NRCAM: variants seen among roughly 807,000 people sequenced by gnomAD.
The protein encoded by NRCAM is neuronal cell adhesion molecule.
Under a neutral mutation model 156.5 loss-of-function variants are expected in NRCAM, and 83 were observed. The ratio of observed to expected loss-of-function variants is 0.53; its 90% CI spans 0.44 to 0.64. NRCAM has a LOEUF of 0.64. NRCAM is among the 30% of genes least tolerant of loss of function. NRCAM has a pLI of 0.00. For missense variants in NRCAM, 1,417 were observed against 1,597.3 expected (o/e 0.89, Z 1.92); for synonymous variants, 538 against 563.9 (o/e 0.95, Z 0.65).
intron 1 of NRCAM, among the ~76,000 whole-genome samples, chr7:108,416,208 A>C (rs530674603): frequency 6.6e-6 from 1 of 152,336 alleles, no homozygotes; most frequent in African/African-American, 2.4e-5. Context: ...TGAATGCTGC[A>C]TTTGCTTTAA....
At chr7:108,277,298 G>A (rs1057104722) in intron 3 of NRCAM, among the ~76,000 whole-genome samples, 2 of 152,150 alleles carry the variant, frequency 1.3e-5, no homozygotes, top group Non-Finnish European at 2.9e-5. Flanking sequence ...CTAGGTTGGG[G>A]AAGTTCTCCT....
chr7:108,440,235 G>A (rs1306848784), intron 1 of NRCAM, among the ~76,000 whole-genome samples: 2 of 152,094 alleles, frequency 1.3e-5, no homozygotes, highest in Non-Finnish European at 2.9e-5. Context: ...AAAGAAGCCA[G>A]ACACAAAAGA....
At chr7:108,334,867 TAGATA>T (rs1203180773) in intron 2 of NRCAM, among the ~76,000 whole-genome samples, 1 of 152,200 alleles carries the variant, frequency 6.6e-6, no homozygotes, top group Non-Finnish European at 1.5e-5. Flanking sequence ...TCTAATATTT[TAGATA>T]AGATGAGAAA....
intron 2 of NRCAM, among the ~76,000 whole-genome samples, chr7:108,378,690 A>AC (rs2099687482): frequency 5.3e-5 from 5 of 94,834 alleles, no homozygotes; most frequent in Non-Finnish European, 1.2e-4. Flanking sequence ...CACACACACA[A>AC]ACTCCAAGAC....
At chr7:108,166,073 A>G (rs1049793758) in intron 30 of NRCAM, among the ~76,000 whole-genome samples, 2 of 106,252 alleles carry the variant, frequency 1.9e-5, no homozygotes, top group African/African-American at 7.3e-5. Context: ...TATTCACATA[A>G]GTAAATATAT....
intron 32 of NRCAM, among the ~76,000 whole-genome samples, chr7:108,154,429 T>A (rs939659145): frequency 1.3e-5 from 2 of 152,218 alleles, no homozygotes; most frequent in Admixed American, 6.5e-5. Context: ...TAATATTTGC[T>A]TGTTGATTCA....
chr7:108,414,847 C>T (rs930533236), intron 1 of NRCAM, among the ~76,000 whole-genome samples: 1 of 152,066 alleles, frequency 6.6e-6, no homozygotes, highest in African/African-American at 2.4e-5. Context: ...TTGGTGAAGC[C>T]AGCACAACCA....
chr7:108,355,260 T>A (rs1480519477), intron 2 of NRCAM, among the ~76,000 whole-genome samples: 4 of 152,168 alleles, frequency 2.6e-5, no homozygotes, highest in Non-Finnish European at 5.9e-5. Flanking sequence ...AGAAAAGGTC[T>A]GAAAGAACAG....
intron 2 of NRCAM, among the ~76,000 whole-genome samples, chr7:108,395,829 T>C (rs1437929313): frequency 6.6e-6 from 1 of 152,218 alleles, no homozygotes; most frequent in Non-Finnish European, 1.5e-5. Context: ...TTCTGTCCTT[T>C]ACCCATGGTA....
At chr7:108,267,721 G>C (rs1025632376) in intron 3 of NRCAM, among the ~76,000 whole-genome samples, 1 of 152,126 alleles carries the variant, frequency 6.6e-6, no homozygotes, top group Non-Finnish European at 1.5e-5. Context: ...ATATAAAAAA[G>C]ACTCATCAAA....
At chr7:108,381,561 CTTT>C (rs71522870) in intron 2 of NRCAM, among the ~76,000 whole-genome samples, 4 of 125,888 alleles carry the variant, frequency 3.2e-5, no homozygotes, top group African/African-American at 5.9e-5. Context: ...TTTTTTTTTT[CTTT>C]TTTTTTTTTT....
chr7:108,329,378 C>A (rs1359604384), intron 2 of NRCAM, among the ~76,000 whole-genome samples: 1 of 152,116 alleles, frequency 6.6e-6, no homozygotes, highest in Non-Finnish European at 1.5e-5. Flanking sequence ...TCCAGTAGGA[C>A]CTCATTGTTG....
In NRCAM at chr7:108,288,398, A is replaced by G. The variant is rs545650073; in HGVS notation, c.-107+24267T>C. Reference sequence around the variant, plus strand: ...TACCCCTAAATCCATAAAAATAAAAATTTTTAACAACTGCATATATTGGCA... The same window carrying G: ...TACCCCTAAATCCATAAAAATAAAAGTTTTTAACAACTGCATATATTGGCA... On this transcript the variant is annotated intron_variant, in intron 3 of 32. Coordinates refer to ENST00000379028, the MANE Select transcript of NRCAM (RefSeq NM_001037132.4). Among the ~76,000 whole-genome samples, 4 of 152,092 alleles carry G rather than the reference A, an allele frequency of 2.6e-5. 1 individual carries two copies. In the South Asian group the frequency reaches 8.3e-4, roughly 31 times the overall value.
rs544569828 is a variant in NRCAM at position 108,281,567 on chromosome 7, G to A, written c.-107+31098C>T. ...TTGGATCTTGGCAAAAATTTGAAAG[G>A]ATGGCAGAGGGGTCTAGCTGGCTGC... On this transcript the variant is annotated intron_variant, in intron 3 of 32. Coordinates refer to ENST00000379028, the MANE Select transcript of NRCAM (RefSeq NM_001037132.4). Among the ~76,000 whole-genome samples the A allele has an allele frequency of 2.6e-5, 4 of 152,334 alleles. No homozygotes were observed. The East Asian group carries it at 7.7e-4, about 29-fold the overall frequency.
chr7:108,211,241 G>A (rs990062840), intron 11 of NRCAM, among the ~76,000 whole-genome samples: 13 of 152,182 alleles, frequency 8.5e-5, no homozygotes, highest in African/African-American at 1.4e-4. Context: ...TTGGGAGCTC[G>A]CTGGGTCCCC....
intron 3 of NRCAM, among the ~76,000 whole-genome samples, chr7:108,291,807 A>T (rs1366477206): frequency 2.0e-5 from 3 of 151,794 alleles, no homozygotes; most frequent in Admixed American, 1.3e-4. Flanking sequence ...TAAAACATTT[A>T]AAAAAAGGAT....
chr7:108,175,324 T>C lies in NRCAM; in HGVS notation c.3185A>G (p.Lys1062Arg), dbSNP rs752272254. The C allele has an allele frequency of 4.5e-6, 7 of 1,558,736 alleles. No individual in the cohort carries two copies. The highest frequency in any genetic ancestry group is 6.1e-6 in the Non-Finnish European group (7 of 1,150,462). The change falls in exon 28 of 33, where the codon AAA (lysine) becomes AGA (arginine). Residue 1062 changes from lysine to arginine, a missense_variant and splice_region_variant. By Grantham distance (26) the Lys-to-Arg change is conservative. This residue lies in a region of NRCAM where 1,238 missense variants were observed against 1,336.4 expected (regional missense o/e 0.93). Transcript: ENST00000379028. ...GTCATGCAGATGAATTATTTTACCT[T>C]TGCCTGCACCTACATCAGGTGGAAG... ...GILPPDVGAGKVQAVNPRISN... is the reference protein window; with the variant it reads ...GILPPDVGAGRVQAVNPRISN...
chr7:108,378,944 G>T (rs1466260335), intron 2 of NRCAM, among the ~76,000 whole-genome samples: 1 of 152,096 alleles, frequency 6.6e-6, no homozygotes, highest in African/African-American at 2.4e-5. Context: ...ACAACCTGAG[G>T]ATGCTTTTGA....
chr7:108,274,397 T>C (rs781763082), intron 3 of NRCAM, among the ~76,000 whole-genome samples: 33 of 152,250 alleles, frequency 2.2e-4, no homozygotes, highest in Non-Finnish European at 4.6e-4. Context: ...CATTTGTTTG[T>C]GTCCTCTTTT....
Sources: allele counts gnomAD v4.1 joint callset (sites outside exome capture counted in the v4.1 genomes callset), GRCh38; gene constraint gnomAD v4.1.1; regional missense constraint gnomAD v4.1.1; transcripts MANE v1.5; gene names NCBI Gene and HGNC (gene_info 2026-07-23, HGNC 2026-07-21).